Variants in SPARCL1 observed in about 807,000 individuals in gnomAD.
SPARCL1 encodes the protein SPARC like 1.
Under a neutral mutation model 67.1 loss-of-function variants are expected in SPARCL1, and 52 were observed. That is an observed-to-expected ratio of 0.78 (90% CI 0.62 to 0.98). The LOEUF is 0.98. SPARCL1 is among the 50% of genes least tolerant of loss of function. The pLI is 0.00. For missense variants in SPARCL1, 717 were observed against 782.4 expected (o/e 0.92, Z 1.00); for synonymous variants, 226 against 267.8 (o/e 0.84, Z 1.52).
At position 87,494,279 on chromosome 4, in the gene SPARCL1, T is replaced by G. The variant is rs199870792; in HGVS notation, c.521A>C (p.Gln174Pro). 6.2e-7 allele frequency: 1 copy of G among 1,614,112 alleles called. No homozygotes were observed. Among genetic ancestry groups the G allele is most frequent in the Admixed American group, 1.7e-5 (1 of 60,002 alleles). The change falls in exon 4 of 11, where the codon CAG becomes CCG. Residue 174 changes from glutamine (Q) to proline (P), a missense_variant. Gln to Pro is a moderately conservative substitution (Grantham distance 76, BLOSUM62 -1). Coordinates refer to ENST00000282470, the MANE Select transcript of SPARCL1 (RefSeq NM_004684.6). Reference sequence around the variant, plus strand: ...GCTATGTTTACTGCTCCTGTTCAACTGATGATGTGAATAATTTCTAGGTTG... The same window carrying G: ...GCTATGTTTACTGCTCCTGTTCAACGGATGATGTGAATAATTTCTAGGTTG... ...QEQPRNYSHH[Q>P]LNRSSKHSQG...
At chr4:87,507,198 C>T (rs1476880813) in intron 1 of SPARCL1, among the ~76,000 whole-genome samples, 1 of 152,146 alleles carries the variant, frequency 6.6e-6, no homozygotes, top group Non-Finnish European at 1.5e-5. Context: ...GGAATGCTAC[C>T]CTATTTTCTT....
At chr4:87,480,338 T>G (rs774970622) in intron 9 of SPARCL1, 34 bp downstream of exon 9, 2 of 1,519,728 alleles carry the variant, frequency 1.3e-6, no homozygotes, top group Non-Finnish European at 1.8e-6. Context: ...ATCAGAGAGA[T>G]AAATCTAGAA....
At chr4:87,474,657 C>T (rs1322727661) in intron 10 of SPARCL1, among the ~76,000 whole-genome samples, 2 of 151,906 alleles carry the variant, frequency 1.3e-5, no homozygotes, top group Admixed American at 1.3e-4. Context: ...TAGACCCTTC[C>T]ATTAGCATTT....
intron 1 of SPARCL1, among the ~76,000 whole-genome samples, chr4:87,505,222 A>G (rs1381840684): frequency 6.6e-6 from 1 of 152,184 alleles, no homozygotes; most frequent in Non-Finnish European, 1.5e-5. Context: ...GGATTCTAAA[A>G]TTGAAAATAA....
intron 7 of SPARCL1, among the ~76,000 whole-genome samples, chr4:87,488,883 C>T (rs780480021): frequency 4.6e-5 from 7 of 152,130 alleles, no homozygotes; most frequent in Non-Finnish European, 7.3e-5. Context: ...GCTTTGTTTA[C>T]ACTGTGAAGG....
intron 1 of SPARCL1, among the ~76,000 whole-genome samples, chr4:87,523,834 C>T (rs1341655535): frequency 6.6e-6 from 1 of 152,122 alleles, no homozygotes; most frequent in African/African-American, 2.4e-5. Flanking sequence ...TGGCCAAACA[C>T]TTTGGTTGAG....
intron 5 of SPARCL1, 128 bp downstream of exon 5, chr4:87,491,490 C>G: frequency 1.3e-6 from 1 of 774,036 alleles, no homozygotes; most frequent in Middle Eastern, 2.2e-4. Flanking sequence ...GGAGCATTTC[C>G]TTGGGGAGGA....
chr4:87,474,471 T>C (rs1723481526), intron 10 of SPARCL1, among the ~76,000 whole-genome samples: 1 of 152,162 alleles, frequency 6.6e-6, no homozygotes, highest in Non-Finnish European at 1.5e-5. Flanking sequence ...CGTTTACTTA[T>C]ATTTGCACCC....
intron 7 of SPARCL1, among the ~76,000 whole-genome samples, chr4:87,489,219 G>A (rs1005031079): frequency 4.6e-5 from 7 of 152,246 alleles, no homozygotes; most frequent in African/African-American, 1.7e-4. Context: ...TCCTGGTGGT[G>A]TAGGCACCCG....
chr4:87,480,211 A>G (rs533076930), intron 9 of SPARCL1, among the ~76,000 whole-genome samples, 161 bp downstream of exon 9: 1 of 152,180 alleles, frequency 6.6e-6, no homozygotes, highest in Non-Finnish European at 1.5e-5. Context: ...AGAGTACATC[A>G]TACACAGCAG....
chr4:87,483,447 T>C (rs535815522), intron 7 of SPARCL1, among the ~76,000 whole-genome samples: 171 of 152,330 alleles, frequency 1.1e-3, no homozygotes, highest in Admixed American at 1.6e-3. Flanking sequence ...TAGTATTCCA[T>C]GGTGTATATG....
At chr4:87,486,254 T>C (rs55979912) in intron 7 of SPARCL1, among the ~76,000 whole-genome samples, 32,486 of 152,088 alleles carry the variant, frequency 0.21, 5,232 homozygotes, top group African/African-American at 0.45. Flanking sequence ...CCAGAGATTC[T>C]GGCCCATTTT....
At chr4:87,516,562 T>C (rs1725590843) in intron 1 of SPARCL1, among the ~76,000 whole-genome samples, 1 of 152,176 alleles carries the variant, frequency 6.6e-6, no homozygotes, top group South Asian at 2.1e-4. Context: ...GTACCATCCA[T>C]GCACTCCCAT....
In SPARCL1 at chr4:87,480,415, C is replaced by G; in HGVS notation, c.1774G>C (p.Val592Leu). Residue 592 changes from valine to leucine, a missense_variant, in exon 9 of 11, where the codon GTG becomes CTG. Coordinates refer to ENST00000282470, the MANE Select transcript of SPARCL1 (RefSeq NM_004684.6). ...KKNYHMYVYP[V>L]HWQFSELDQH... ...TCAAGTTCACTAAACTGCCAGTGCA[C>G]AGGATACACATACATGTGGTAGTTT... The G allele has an allele frequency of 6.2e-7, 1 of 1,611,434 alleles. No individual in the cohort carries two copies. Among genetic ancestry groups the G allele is most frequent in the East Asian group, 2.2e-5 (1 of 44,784 alleles).
intron 5 of SPARCL1, among the ~76,000 whole-genome samples, chr4:87,491,414 A>G (rs566063448): frequency 6.6e-6 from 1 of 152,370 alleles, no homozygotes; most frequent in East Asian, 1.9e-4. Flanking sequence ...CAGGGCTTCC[A>G]GTTTGCAAAC....
chr4:87,490,200 A>G, intron 7 of SPARCL1, 73 bp downstream of exon 7: 2 of 1,449,700 alleles, frequency 1.4e-6, no homozygotes, highest in Non-Finnish European at 9.2e-7. Flanking sequence ...TTGCATATAG[A>G]TAATTCAGGC....
Position 87,506,779 on chromosome 4 carries a change from TATC to T in SPARCL1, c.-11-7197_-11-7195del, listed in dbSNP as rs374467048. On this transcript the variant is annotated intron_variant, in intron 1 of 10. Transcript: ENST00000282470. ...CTCATTATCTATATCTCTATCTATCTATCATCTATCTATCTATCTATCTATCTA... is the reference window on the plus strand; with the variant it reads ...CTCATTATCTATATCTCTATCTATCTATCTATCTATCTATCTATCTATCTA... Among the ~76,000 whole-genome samples, 431 of 47,454 alleles carry T rather than the reference TATC, an allele frequency of 9.1e-3. 2 individuals carry two copies. In the East Asian group the frequency reaches 0.16, roughly 17 times the overall value. 31.1% of individuals were successfully genotyped at this position (47,454 alleles called of 152,430 possible).
Position 87,522,495 on chromosome 4 carries a change from A to C in SPARCL1, c.-12+6550T>G, listed in dbSNP as rs148520993. On this transcript the variant is annotated intron_variant, in intron 1 of 10. Coordinates refer to ENST00000282470, the MANE Select transcript of SPARCL1 (RefSeq NM_004684.6). ...AGTATTATGGAGATTTACATCTTCCACTGCTCTGCCCTTGCTCTCGGGAGC... is the reference window on the plus strand; with the variant it reads ...AGTATTATGGAGATTTACATCTTCCCCTGCTCTGCCCTTGCTCTCGGGAGC... 8.3e-3 allele frequency among the ~76,000 whole-genome samples: 1,269 copies of C among 151,978 alleles called. 14 individuals carry two copies. The highest frequency in any genetic ancestry group is 0.029 in the African/African-American group (1,207 of 41,438).
Position 87,493,564 on chromosome 4 carries a change from C to T in SPARCL1, c.1218+18G>A, listed in dbSNP as rs2110228203. 2 of 1,582,384 alleles carry T rather than the reference C, an allele frequency of 1.3e-6. No individual in the cohort carries two copies. Among genetic ancestry groups the T allele is most frequent in the Non-Finnish European group, 1.7e-6 (2 of 1,164,014 alleles). ...AATGCTGGCTTTATTGGACAAGGAC[C>T]ATTTAAAATAATTTTACCTCTTGGT... On this transcript the variant is annotated intron_variant, in intron 4 of 10. Coordinates refer to ENST00000282470, the MANE Select transcript of SPARCL1 (RefSeq NM_004684.6).
Sources: allele counts gnomAD v4.1 joint callset (sites outside exome capture counted in the v4.1 genomes callset), GRCh38; gene constraint gnomAD v4.1.1; transcripts MANE v1.5; gene names NCBI Gene and HGNC (gene_info 2026-07-23, HGNC 2026-07-21).